Variants in CRYBG1 observed in about 807,000 individuals in gnomAD.
The protein encoded by CRYBG1 is beta/gamma crystallin domain-containing protein 1.
In CRYBG1, 139 loss-of-function variants were observed where a neutral mutation model predicts 189.2. The ratio of observed to expected loss-of-function variants is 0.73; its 90% CI spans 0.64 to 0.85. CRYBG1 has a LOEUF of 0.85. Ranked by LOEUF, CRYBG1 falls within the 40% of genes least tolerant of loss-of-function variation. The pLI, the probability that CRYBG1 is intolerant of heterozygous loss-of-function variation, is 0.00. For missense variants in CRYBG1, 2,611 were observed against 2,675.8 expected, an observed-to-expected ratio of 0.98 and a Z score of 0.53; for synonymous variants, 1,023 against 1,017.1, an observed-to-expected ratio of 1.01 and a Z score of -0.11.
chr6:106,460,050 G>C (rs1771974319), intron 2 of CRYBG1, among the ~76,000 whole-genome samples: 1 of 152,018 alleles, frequency 6.6e-6, no homozygotes, highest in African/African-American at 2.4e-5. Context: ...TTTTGAGACA[G>C]AGTCGCCCAG....
chr6:106,475,012 G>A (rs1242668738), intron 2 of CRYBG1, among the ~76,000 whole-genome samples: 3 of 152,096 alleles, frequency 2.0e-5, no homozygotes, highest in Non-Finnish European at 2.9e-5. Flanking sequence ...CATGTTCCTA[G>A]TTTCTTAATT....
intron 1 of CRYBG1, among the ~76,000 whole-genome samples, chr6:106,378,056 A>G (rs2114313020): frequency 6.6e-6 from 1 of 152,198 alleles, no homozygotes; most frequent in African/African-American, 2.4e-5. Flanking sequence ...GGCTCCCTTG[A>G]AGCCATGTAT....
rs1324461051 is a variant in CRYBG1, at chr6:106,478,162, T to C, written c.312+26330T>C. Among the ~76,000 whole-genome samples the C allele has an allele frequency of 5.3e-5, 8 of 152,248 alleles. No individual in the cohort carries two copies. In the East Asian group the frequency reaches 1.5e-3, roughly 29 times the overall value. ...ATTTCAGGATAATCCCTCGTATCCT[T>C]CAACCCTGTTGGGTTATATCCGCGC... On this transcript the variant is annotated intron_variant, in intron 2 of 21. Transcript: ENST00000633556.
chr6:106,370,363 G>A (rs1311857893), intron 1 of CRYBG1, among the ~76,000 whole-genome samples: 4 of 152,168 alleles, frequency 2.6e-5, no homozygotes, highest in African/African-American at 9.7e-5. Flanking sequence ...GTAGATGGGG[G>A]GCCCTCTAGT....
At chr6:106,454,043 C>T (rs1324306499) in intron 2 of CRYBG1, among the ~76,000 whole-genome samples, 1 of 152,184 alleles carries the variant, frequency 6.6e-6, no homozygotes, top group Non-Finnish European at 1.5e-5. Flanking sequence ...CACTGTAACA[C>T]ACCCTCCACC....
intron 16 of CRYBG1, among the ~76,000 whole-genome samples, chr6:106,555,413 T>C (rs1170518636): frequency 6.6e-6 from 1 of 151,994 alleles, no homozygotes; most frequent in African/African-American, 2.4e-5. Context: ...GATTAACTAG[T>C]CACAAAGCTT....
At chr6:106,367,695 G>A (rs1014214123) in intron 1 of CRYBG1, among the ~76,000 whole-genome samples, 4 of 151,844 alleles carry the variant, frequency 2.6e-5, no homozygotes, top group Non-Finnish European at 4.4e-5. Context: ...TCAGCATGGT[G>A]GCTCATGCCT....
chr6:106,563,683 C>A, intron 20 of CRYBG1, 81 bp from the exon 21 acceptor site: 1 of 1,427,750 alleles, frequency 7.0e-7, no homozygotes, highest in Non-Finnish European at 9.5e-7. Context: ...ATTTTAAAGC[C>A]CAATGTAACC....
Position 106,420,514 on chromosome 6 carries a change from T to A in CRYBG1, c.174-31180T>A, listed in dbSNP as rs372685922. The stretch of plus-strand genomic sequence containing the variant: ...GGTTGTGAAATGACATCTGTCTGTT[T>A]GGGAACAAAAACAAAGCACATTTTG... On this transcript the variant is annotated intron_variant, in intron 1 of 21. Transcript: ENST00000633556. Among the ~76,000 whole-genome samples the A allele has an allele frequency of 1.8e-4, 28 of 152,300 alleles. 1 individual carries two copies. The East Asian group carries it at 1.9e-3, about 10-fold the overall frequency.
chr6:106,486,461 C>T (rs1020159284), intron 2 of CRYBG1, among the ~76,000 whole-genome samples: 1 of 151,972 alleles, frequency 6.6e-6, no homozygotes, highest in Admixed American at 6.6e-5. Context: ...TCTGTTAGGT[C>T]AATTTGGTCT....
At chr6:106,361,198 T>G in intron 1 of CRYBG1, 117 bp downstream of exon 1, 1 of 1,270,678 alleles carries the variant, frequency 7.9e-7, no homozygotes. Context: ...GGGGTCTGTT[T>G]CAGTCCGCAG....
intron 21 of CRYBG1, among the ~76,000 whole-genome samples, chr6:106,567,837 T>C (rs1774936024): frequency 6.6e-6 from 1 of 152,176 alleles, no homozygotes; most frequent in Non-Finnish European, 1.5e-5. Context: ...TTCATGATAA[T>C]AGTTTTACAA....
chr6:106,370,621 A>G (rs1770005170), intron 1 of CRYBG1, among the ~76,000 whole-genome samples: 1 of 152,222 alleles, frequency 6.6e-6, no homozygotes, highest in Non-Finnish European at 1.5e-5. Flanking sequence ...GAGGCTTATA[A>G]GGGTTCTGTG....
chr6:106,387,288 A>T (rs1017070225), intron 1 of CRYBG1, among the ~76,000 whole-genome samples: 1 of 144,294 alleles, frequency 6.9e-6, no homozygotes, highest in Non-Finnish European at 1.5e-5. Flanking sequence ...TTGAACTCTG[A>T]ATGGAAAAAA....
At chr6:106,530,818 G>T (rs1272575669) in intron 8 of CRYBG1, among the ~76,000 whole-genome samples, 1 of 152,204 alleles carries the variant, frequency 6.6e-6, no homozygotes, top group Non-Finnish European at 1.5e-5. Context: ...GGGGAGAAAT[G>T]AGGATAGAAA....
At chr6:106,506,576 C>A (rs1484280837) in intron 2 of CRYBG1, among the ~76,000 whole-genome samples, 1 of 150,822 alleles carries the variant, frequency 6.6e-6, no homozygotes, top group African/African-American at 2.4e-5. Flanking sequence ...CTTCAGCCTC[C>A]TGAGTAGCTG....
chr6:106,442,602 A>G (rs1389087417), intron 1 of CRYBG1, among the ~76,000 whole-genome samples: 1 of 152,192 alleles, frequency 6.6e-6, no homozygotes, highest in East Asian at 1.9e-4. Context: ...ATTATTTGAA[A>G]CAGTCATAAA....
At chr6:106,484,404 C>A (rs1772550190) in intron 2 of CRYBG1, among the ~76,000 whole-genome samples, 1 of 152,104 alleles carries the variant, frequency 6.6e-6, no homozygotes, top group South Asian at 2.1e-4. Context: ...AGCAATCCTC[C>A]AGCCTCAGCC....
rs114850357 is a variant in CRYBG1 at position 106,549,591 on chromosome 6, A to G, written c.5313-2261A>G. Among the ~76,000 whole-genome samples, 867 of 152,178 alleles carry G rather than the reference A, an allele frequency of 5.7e-3. 11 individuals carry two copies. Among genetic ancestry groups the G allele is most frequent in the African/African-American group, 0.02 (834 of 41,522 alleles). ...CTGACTCTACTAAAAAAAATAAAAA[A>G]TAAATAAAAATAAAAAAGAACAGGT... On this transcript the variant is annotated intron_variant, in intron 13 of 21. Coordinates refer to ENST00000633556, the MANE Select transcript of CRYBG1 (RefSeq NM_001371242.2).
Sources: gnomAD v4.1 joint callset for allele counts (sites outside exome capture counted in the v4.1 genomes callset) on GRCh38, gnomAD v4.1.1 for gene constraint, MANE v1.5 for transcripts, NCBI Gene and HGNC (gene_info 2026-07-23, HGNC 2026-07-21) for gene names.